The following MAP4K3 variants were observed in gnomAD, a reference collection of about 807,000 sequenced individuals.
The protein encoded by MAP4K3 is mitogen-activated protein kinase kinase kinase kinase 3.
A neutral mutation model predicts 143.5 loss-of-function variants in MAP4K3; 94 were observed. The ratio of observed to expected loss-of-function variants is 0.65; its 90% CI spans 0.55 to 0.78. The LOEUF is 0.78. MAP4K3 is among the 30% of genes least tolerant of loss of function. The probability of loss-of-function intolerance (pLI) is 0.00; values close to 1 mark genes in which losing one functional copy is unlikely to be tolerated. For missense variants in MAP4K3, 1,077 were observed against 1,068.1 expected (o/e 1.01, Z -0.12); for synonymous variants, 416 against 347.2 (o/e 1.20, Z -2.20).
chr2:39,353,720 T>TAAG (rs1049938255), intron 3 of MAP4K3, among the ~76,000 whole-genome samples: 1 of 151,976 alleles, frequency 6.6e-6, no homozygotes, highest in Non-Finnish European at 1.5e-5. Flanking sequence ...TTTAAAAAGT[T>TAAG]AAGAAGTAGT....
At chr2:39,424,535 T>A (rs2148631639) in intron 1 of MAP4K3, among the ~76,000 whole-genome samples, 2 of 151,836 alleles carry the variant, frequency 1.3e-5, no homozygotes, top group East Asian at 1.9e-4. Context: ...ACAGTTTTTT[T>A]AAAAAAGGGT....
intron 8 of MAP4K3, among the ~76,000 whole-genome samples, chr2:39,328,203 T>C (rs1246969136): frequency 6.6e-6 from 1 of 152,074 alleles, no homozygotes; most frequent in Non-Finnish European, 1.5e-5. Context: ...TGGTGGCGCA[T>C]GCCTGTGGTT....
At chr2:39,298,692 G>A (rs575551612) in intron 16 of MAP4K3, among the ~76,000 whole-genome samples, 65 of 152,120 alleles carry the variant, frequency 4.3e-4, no homozygotes, top group Non-Finnish European at 8.4e-4. Context: ...TGCGAGGCAC[G>A]GTGGCTCACA....
At position 39,250,534 on chromosome 2, in the gene MAP4K3, C is replaced by T. The variant is rs2148426934; in HGVS notation, c.*84G>A. ...AGTAACTGAAGACAGGTTACTGCAG[C>T]TTTTGTACAGCTTCAAGCATCCATT... On this transcript the variant is annotated 3_prime_UTR_variant, in exon 34 of 34. Coordinates refer to ENST00000263881, the MANE Select transcript of MAP4K3 (RefSeq NM_003618.4). 1.5e-6 allele frequency: 2 copies of T among 1,308,062 alleles called. No individual in the cohort carries two copies. The highest frequency in any genetic ancestry group is 1.5e-5 in the African/African-American group (1 of 67,950). 81.0% of individuals were successfully genotyped at this position (1,308,062 alleles called of 1,614,324 possible). A position where few individuals can be genotyped will look rare whatever the true frequency, so the allele number is the denominator to read the frequency against.
intron 21 of MAP4K3, among the ~76,000 whole-genome samples, 177 bp downstream of exon 21, chr2:39,286,675 G>C (rs1681790960): frequency 6.6e-6 from 1 of 152,072 alleles, no homozygotes; most frequent in Non-Finnish European, 1.5e-5. Flanking sequence ...CCATAGCTAA[G>C]TTACTTTTTT....
At chr2:39,356,893 T>G (rs560501461) in intron 2 of MAP4K3, among the ~76,000 whole-genome samples, 89 of 152,350 alleles carry the variant, frequency 5.8e-4, no homozygotes, top group African/African-American at 2.0e-3. Flanking sequence ...AATTCTTTTC[T>G]AAGTTAGGGC....
At chr2:39,394,591 C>A (rs1372052434) in intron 1 of MAP4K3, among the ~76,000 whole-genome samples, 1 of 152,072 alleles carries the variant, frequency 6.6e-6, no homozygotes, top group Non-Finnish European at 1.5e-5. Context: ...GAGGGCCATT[C>A]CTCTCCACAG....
At chr2:39,377,024 A>G (rs1325567600) in intron 2 of MAP4K3, among the ~76,000 whole-genome samples, 1 of 152,042 alleles carries the variant, frequency 6.6e-6, no homozygotes, top group East Asian at 1.9e-4. Context: ...AATTCATTTT[A>G]TTTATGTGTG....
intron 1 of MAP4K3, among the ~76,000 whole-genome samples, chr2:39,386,759 TTG>T (rs1187805404): frequency 6.6e-6 from 1 of 152,136 alleles, no homozygotes; most frequent in Non-Finnish European, 1.5e-5. Context: ...GATCTAGTGA[TTG>T]TGTGTTTATC....
chr2:39,378,248 A>G, intron 1 of MAP4K3, 125 bp from the exon 2 acceptor site: 2 of 584,306 alleles, frequency 3.4e-6, no homozygotes, highest in Non-Finnish European at 6.0e-6. Flanking sequence ...AATGTAATTT[A>G]TATTTACAAA....
At chr2:39,251,705 A>C (rs988663997) in intron 33 of MAP4K3, 125 bp downstream of exon 33, 2 of 739,842 alleles carry the variant, frequency 2.7e-6, no homozygotes, top group Admixed American at 5.3e-5. Context: ...GAATTCTTAT[A>C]GTGTGAAAAA....
chr2:39,391,338 G>A (rs544717642), intron 1 of MAP4K3, among the ~76,000 whole-genome samples: 36 of 104,596 alleles, frequency 3.4e-4, no homozygotes, highest in East Asian at 6.6e-4. Context: ...TGGCCTGAGC[G>A]ACAGAGCAAG....
Position 39,299,892 on chromosome 2 carries a change from A to G in MAP4K3, c.1120-91T>C, listed in dbSNP as rs574489925. ...ATATAATACATATTATTTTTAAAAG[A>G]TAAGTCCCAGACCCCCAAATAAATC... On this transcript the variant is annotated intron_variant, in intron 15 of 33. Coordinates refer to ENST00000263881, the MANE Select transcript of MAP4K3 (RefSeq NM_003618.4). 1.9e-5 allele frequency: 9 copies of G among 481,120 alleles called. No individual in the cohort carries two copies. The Admixed American group carries it at 2.1e-4, about 11-fold the overall frequency. 29.8% of individuals were successfully genotyped at this position (481,120 alleles called of 1,614,324 possible).
At chr2:39,365,962 T>G (rs1308844490) in intron 2 of MAP4K3, among the ~76,000 whole-genome samples, 2 of 152,238 alleles carry the variant, frequency 1.3e-5, no homozygotes, top group South Asian at 2.1e-4. Flanking sequence ...TCATGTGTGG[T>G]GTCATTCAAA....
chr2:39,328,629 G>A (rs188373711), intron 8 of MAP4K3, among the ~76,000 whole-genome samples: 2 of 152,232 alleles, frequency 1.3e-5, no homozygotes, highest in East Asian at 3.9e-4. Context: ...AATGTGTTCT[G>A]GTGGTTTCTT....
At chr2:39,317,510 G>A (rs1442615244) in intron 12 of MAP4K3, among the ~76,000 whole-genome samples, 1 of 152,000 alleles carries the variant, frequency 6.6e-6, no homozygotes, top group Admixed American at 6.6e-5. Context: ...TGCCAACTAT[G>A]CATTTGACCG....
intron 24 of MAP4K3, 51 bp downstream of exon 24, chr2:39,278,356 C>CT (rs1263546683): frequency 9.3e-7 from 1 of 1,080,684 alleles, no homozygotes; most frequent in Non-Finnish European, 1.4e-6. Flanking sequence ...CTAATGTGTA[C>CT]TTATGGTAAC....
intron 1 of MAP4K3, among the ~76,000 whole-genome samples, chr2:39,426,287 A>C (rs972197594): frequency 1.3e-5 from 2 of 151,838 alleles, no homozygotes; most frequent in Non-Finnish European, 2.9e-5. Context: ...AGGCTGAAAA[A>C]CTCTTCTAGG....
At chr2:39,436,848 G>A (rs1191639231) in intron 1 of MAP4K3, 44 bp downstream of exon 1, 2 of 1,546,264 alleles carry the variant, frequency 1.3e-6, no homozygotes, top group Non-Finnish European at 1.8e-6. Flanking sequence ...TTGGCTGCGG[G>A]TCGGGATCCC....
Sources: gnomAD v4.1 joint callset for allele counts (sites outside exome capture counted in the v4.1 genomes callset) on GRCh38, gnomAD v4.1.1 for gene constraint, MANE v1.5 for transcripts, NCBI Gene and HGNC (gene_info 2026-07-23, HGNC 2026-07-21) for gene names.